Variants in DNAH6 observed in about 807,000 individuals in gnomAD.
The protein encoded by DNAH6 is axonemal beta dynein heavy chain 6.
DNAH6 carries 340 observed loss-of-function variants against 491.4 expected under a neutral mutation model. The ratio of observed to expected loss-of-function variants is 0.69; its 90% CI spans 0.63 to 0.76. The LOEUF is 0.76. Ranked by LOEUF, DNAH6 falls within the 30% of genes least tolerant of loss-of-function variation. The pLI is 0.00. For synonymous variants in DNAH6, 1,603 were observed against 1,686.1 expected (o/e 0.95, Z 1.21); for missense variants, 4,443 against 4,972.2 (o/e 0.89, Z 3.20).
chr2:84,763,215 T>C (rs1016679115), intron 64 of DNAH6, among the ~76,000 whole-genome samples: 12 of 152,206 alleles, frequency 7.9e-5, no homozygotes, highest in Admixed American at 1.3e-4. Flanking sequence ...ATTTGTTTGG[T>C]ATTTAAGACA....
At chr2:84,713,986 A>G (rs1042795022) in intron 57 of DNAH6, among the ~76,000 whole-genome samples, 3 of 152,134 alleles carry the variant, frequency 2.0e-5, no homozygotes, top group Non-Finnish European at 2.9e-5. Flanking sequence ...TACAGTGTCC[A>G]AGGTAGTTGC....
At chr2:84,536,101 A>G (rs1573535590) in intron 4 of DNAH6, among the ~76,000 whole-genome samples, 1 of 152,102 alleles carries the variant, frequency 6.6e-6, no homozygotes, top group East Asian at 1.9e-4. Context: ...GATAAAATCC[A>G]AGCTATCAAC....
intron 11 of DNAH6, among the ~76,000 whole-genome samples, chr2:84,562,358 C>A (rs1053903022): frequency 7.2e-5 from 11 of 152,066 alleles, no homozygotes; most frequent in Non-Finnish European, 1.3e-4. Flanking sequence ...GAGCTCAATT[C>A]ATCTATTAAA....
In DNAH6 at chr2:84,654,769, G is replaced by A; in HGVS notation, c.5744G>A (p.Gly1915Asp). 2 of 1,550,752 alleles carry A rather than the reference G, an allele frequency of 1.3e-6. No individual in the cohort carries two copies. Among genetic ancestry groups the A allele is most frequent in the Non-Finnish European group, 1.7e-6 (2 of 1,146,114 alleles). ...CCTTATGTTAAAACTTGGATGAAGG[G>A]TATTTCTAAAAAAGTAAGTGCCATC... is the stretch of plus-strand genomic sequence containing the variant. ...WMPYVKTWMKGISKKLTEETQ... is the reference protein window; with the variant it reads ...WMPYVKTWMKDISKKLTEETQ... Residue 1915 changes from glycine to aspartate, a missense_variant, in exon 35 of 77, where the codon GGT becomes GAT. Physicochemically the swap from Gly to Asp is moderately conservative, Grantham distance 94. Transcript: ENST00000389394.
intron 29 of DNAH6, among the ~76,000 whole-genome samples, chr2:84,628,714 C>A (rs760321305): frequency 6.6e-6 from 1 of 152,050 alleles, no homozygotes; most frequent in Non-Finnish European, 1.5e-5. Context: ...TGAAGTAACT[C>A]GCCAGCAGTC....
chr2:84,498,670 C>T, the DNAH6 span, among the ~76,000 whole-genome samples: 6 of 152,034 alleles, frequency 3.9e-5, no homozygotes, highest in Non-Finnish European at 5.9e-5. Context: ...TTGTACTGCT[C>T]AGACCCAGAG....
At chr2:84,809,680 T>TA (rs1469325821) in intron 72 of DNAH6, among the ~76,000 whole-genome samples, 2 of 152,186 alleles carry the variant, frequency 1.3e-5, no homozygotes, top group African/African-American at 4.8e-5. Context: ...GAGCCCTGTC[T>TA]AGGGCAGGTA....
chr2:84,604,330 G>GC lies in DNAH6; in HGVS notation c.2869-9_2869-8insC. ...AAGCTTCATGTCTCTGAGAGTGTTTGTTTTTCAGCTTCCAGTTATCATTGA... is the reference window on the plus strand; with the variant it reads ...AAGCTTCATGTCTCTGAGAGTGTTTGCTTTTTCAGCTTCCAGTTATCATTGA... On this transcript the variant is annotated splice_polypyrimidine_tract_variant and intron_variant, in intron 18 of 76. Transcript: ENST00000389394. 6.5e-7 allele frequency: 1 copy of GC among 1,549,424 alleles called. No homozygotes were observed. The highest frequency in any genetic ancestry group is 8.7e-7 in the Non-Finnish European group (1 of 1,144,756).
intron 68 of DNAH6, among the ~76,000 whole-genome samples, chr2:84,794,421 C>G (rs1678108348): frequency 6.6e-6 from 1 of 151,240 alleles, no homozygotes; most frequent in Admixed American, 6.6e-5. Flanking sequence ...TTTTTGCAAC[C>G]TACTCATCTG....
chr2:84,577,184 T>C (rs1043748349), intron 12 of DNAH6, 73 bp from the exon 13 acceptor site: 5 of 896,298 alleles, frequency 5.6e-6, no homozygotes, highest in African/African-American at 1.7e-5. Flanking sequence ...CAATGATTTT[T>C]AATATATTTT....
chr2:84,731,594 C>T (rs888684530), intron 61 of DNAH6, among the ~76,000 whole-genome samples: 1 of 152,176 alleles, frequency 6.6e-6, no homozygotes, highest in Non-Finnish European at 1.5e-5. Flanking sequence ...GGAGAAGCAA[C>T]CTATAAAACA....
intron 51 of DNAH6, 21 bp from the exon 52 acceptor site, chr2:84,705,465 T>C: frequency 6.6e-7 from 1 of 1,519,406 alleles, no homozygotes; most frequent in South Asian, 1.3e-5. Context: ...GTGCCATTAA[T>C]ATATCATGTC....
the DNAH6 span, among the ~76,000 whole-genome samples, chr2:84,465,350 C>A: frequency 6.6e-6 from 1 of 152,010 alleles, no homozygotes; most frequent in East Asian, 1.9e-4. Context: ...AAAAAATTAG[C>A]CGGGTGTGGT....
intron 12 of DNAH6, among the ~76,000 whole-genome samples, chr2:84,575,453 A>G (rs991235124): frequency 1.3e-5 from 2 of 152,166 alleles, no homozygotes; most frequent in African/African-American, 2.4e-5. Flanking sequence ...CAATCCTCAC[A>G]ATTCTGAGGA....
At chr2:84,796,045 A>T (rs1204717781) in intron 68 of DNAH6, among the ~76,000 whole-genome samples, 2 of 152,190 alleles carry the variant, frequency 1.3e-5, no homozygotes, top group African/African-American at 2.4e-5. Flanking sequence ...GAAATATGTA[A>T]ATAGAGCTCA....
intron 68 of DNAH6, among the ~76,000 whole-genome samples, chr2:84,789,379 T>G (rs761892435): frequency 9.2e-5 from 14 of 152,154 alleles, no homozygotes; most frequent in Non-Finnish European, 4.4e-5. Flanking sequence ...TACATCCAGA[T>G]CAGAGGCAGA....
At chr2:84,559,703 A>T (rs1168293918) in intron 11 of DNAH6, among the ~76,000 whole-genome samples, 1 of 152,208 alleles carries the variant, frequency 6.6e-6, no homozygotes, top group Non-Finnish European at 1.5e-5. Context: ...AAATTAAAAA[A>T]ATTAACTACA....
chr2:84,604,326 G>A lies in DNAH6; in HGVS notation c.2869-13G>A, dbSNP rs966676891. 1 of 1,546,280 alleles carries A rather than the reference G, an allele frequency of 6.5e-7. No homozygotes were observed. The highest frequency in any genetic ancestry group is 1.4e-5 in the African/African-American group (1 of 73,026). On this transcript the variant is annotated splice_polypyrimidine_tract_variant and intron_variant, in intron 18 of 76. Coordinates refer to ENST00000389394, the MANE Select transcript of DNAH6 (RefSeq NM_001370.2). ...TAAAAAGCTTCATGTCTCTGAGAGT[G>A]TTTGTTTTTCAGCTTCCAGTTATCA... is the stretch of plus-strand genomic sequence containing the variant.
At chr2:84,503,539 A>C in the DNAH6 span, among the ~76,000 whole-genome samples, 1 of 152,080 alleles carries the variant, frequency 6.6e-6, no homozygotes, top group African/African-American at 2.4e-5. Flanking sequence ...TTCTTTTCTG[A>C]CTGAAGTATT....
Sources: allele counts gnomAD v4.1 joint callset (sites outside exome capture counted in the v4.1 genomes callset), GRCh38; gene constraint gnomAD v4.1.1; transcripts MANE v1.5; gene names NCBI Gene and HGNC (gene_info 2026-07-23, HGNC 2026-07-21).